The following ATP6V0D2 variants were observed in gnomAD, a reference collection of about 807,000 sequenced individuals.
ATP6V0D2 encodes the protein ATPase H+ transporting V0 subunit d2.
A neutral mutation model predicts 40.0 loss-of-function variants in ATP6V0D2; 40 were observed. The ratio of observed to expected loss-of-function variants is 1.00; its 90% CI spans 0.78 to 1.30. The LOEUF (loss-of-function observed/expected upper bound fraction) is 1.30. Ranked by LOEUF, ATP6V0D2 falls within the 50% of genes most tolerant of loss-of-function variation. The pLI is 0.00. For synonymous variants in ATP6V0D2, 179 were observed against 156.3 expected (o/e 1.15, Z -1.08); for missense variants, 470 against 423.1 (o/e 1.11, Z -0.97).
intron 2 of ATP6V0D2, among the ~76,000 whole-genome samples, chr8:86,131,928 A>G (rs1347696556): frequency 2.0e-5 from 3 of 152,212 alleles, no homozygotes. Context: ...ATGTCCCCCT[A>G]GGTCTACAGG....
intron 5 of ATP6V0D2, among the ~76,000 whole-genome samples, chr8:86,145,361 G>GAAAA (rs1819051579): frequency 1.0e-5 from 1 of 96,426 alleles, no homozygotes; most frequent in African/African-American, 4.7e-5. Context: ...AAGGAAGGAA[G>GAAAA]GAAGGAAGGA....
chr8:86,150,774 C>G (rs931363453), intron 6 of ATP6V0D2, among the ~76,000 whole-genome samples: 4 of 152,182 alleles, frequency 2.6e-5, no homozygotes, highest in Non-Finnish European at 4.4e-5. Context: ...GGAAACATAG[C>G]TGCTTGTGTC....
In ATP6V0D2 at chr8:86,142,839, A is replaced by G. The variant is rs200862129; in HGVS notation, c.562-38A>G. ...CTAGACATTTTCAAAAGGAATATAT[A>G]TTCATTATATCACTTTATGATCTTT... On this transcript the variant is annotated intron_variant, in intron 4 of 7. Coordinates refer to ENST00000285393, the MANE Select transcript of ATP6V0D2 (RefSeq NM_152565.1). The G allele has an allele frequency of 1.5e-5, 19 of 1,308,074 alleles. No homozygotes were observed. In the East Asian group the frequency reaches 4.2e-4, roughly 29 times the overall value. The allele number at this position is 1,308,074 out of a possible 1,614,324, so 81.0% of individuals were successfully genotyped here. A position where few individuals can be genotyped will look rare whatever the true frequency, so the allele number is the denominator to read the frequency against.
Position 86,113,743 on chromosome 8 carries a change from T to C in ATP6V0D2, c.165T>C (p.Gly55=), listed in dbSNP as rs766307719. The part of the protein sequence containing the change: ...LKIHLQTTDY[G]NFLANHTNPL... Reference sequence around the variant, plus strand: ...TTCATCTCCAGACTACTGATTATGGTAACTTTTTGGCTAATCACACAAATC... The same window carrying C: ...TTCATCTCCAGACTACTGATTATGGCAACTTTTTGGCTAATCACACAAATC... The change falls in exon 2 of 8, where the codon GGT becomes GGC. Residue 55 remains glycine, a synonymous_variant. Transcript: ENST00000285393. 1 of 1,612,804 alleles carries C rather than the reference T, an allele frequency of 6.2e-7. No homozygotes were observed. The highest frequency in any genetic ancestry group is 2.2e-5 in the East Asian group (1 of 44,824).
At position 86,152,937 on chromosome 8, in the gene ATP6V0D2, G is replaced by T. The variant is rs1173510167; in HGVS notation, c.1013G>T (p.Arg338Met). 1 of 1,608,024 alleles carries T rather than the reference G, an allele frequency of 6.2e-7. No homozygotes were observed. ...TGGATAGCAGAATGTATTTCACAGA[G>T]GCATCGAACTAAAATCAACAGTTAC... ...IVWIAECISQ[R>M]HRTKINSYIP... is the part of the protein sequence containing the mutation. The change falls in exon 8 of 8, where the codon AGG (arginine) becomes ATG (methionine). Residue 338 changes from arginine to methionine, a missense_variant. Coordinates refer to ENST00000285393, the MANE Select transcript of ATP6V0D2 (RefSeq NM_152565.1).
At chr8:86,117,243 T>C (rs1272369679) in intron 2 of ATP6V0D2, among the ~76,000 whole-genome samples, 5 of 152,244 alleles carry the variant, frequency 3.3e-5, no homozygotes, top group African/African-American at 1.2e-4. Flanking sequence ...GGGTATTTTA[T>C]TGTACCCTGT....
chr8:86,149,960 AGG>A, intron 5 of ATP6V0D2, 150 bp from the exon 6 acceptor site: 1 of 676,440 alleles, frequency 1.5e-6, no homozygotes, highest in Non-Finnish European at 2.4e-6. Context: ...GAAAAGACTA[AGG>A]GAACACTAAT....
Position 86,147,752 on chromosome 8 carries a change from A to T in ATP6V0D2, c.640-2360A>T, listed in dbSNP as rs74751229. On this transcript the variant is annotated intron_variant, in intron 5 of 7. Coordinates refer to ENST00000285393, the MANE Select transcript of ATP6V0D2 (RefSeq NM_152565.1). ...AGAAGAAATGGAAGGGCTTGTTATG[A>T]AAAAGATGACATTTGATGGGACAGG... Among the ~76,000 whole-genome samples, 1,309 of 152,260 alleles carry T rather than the reference A, an allele frequency of 8.6e-3. 17 individuals carry two copies. Among genetic ancestry groups the T allele is most frequent in the African/African-American group, 0.03 (1,251 of 41,522 alleles).
At chr8:86,103,244 A>G (rs1818427187) in intron 1 of ATP6V0D2, among the ~76,000 whole-genome samples, 1 of 151,262 alleles carries the variant, frequency 6.6e-6, no homozygotes, top group Non-Finnish European at 1.5e-5. Context: ...CAGCCTCTCA[A>G]GTGGCTAGAA....
intron 2 of ATP6V0D2, among the ~76,000 whole-genome samples, chr8:86,118,722 G>A (rs1396560470): frequency 6.6e-6 from 1 of 152,142 alleles, no homozygotes; most frequent in Non-Finnish European, 1.5e-5. Context: ...TAGTTGTGTG[G>A]AAGGAAAAAT....
chr8:86,137,643 C>T (rs1290128332), intron 2 of ATP6V0D2, among the ~76,000 whole-genome samples: 1 of 152,172 alleles, frequency 6.6e-6, no homozygotes, highest in Non-Finnish European at 1.5e-5. Context: ...CCATTGCAAC[C>T]TCCTCTTCCC....
At chr8:86,099,200 C>G in intron 1 of ATP6V0D2, 92 bp downstream of exon 1, 1 of 1,378,642 alleles carries the variant, frequency 7.3e-7, no homozygotes, top group Non-Finnish European at 9.6e-7. Flanking sequence ...AGCCCATAAT[C>G]ATATGGTTTG....
chr8:86,116,666 C>T (rs1161033383), intron 2 of ATP6V0D2, among the ~76,000 whole-genome samples: 3 of 152,084 alleles, frequency 2.0e-5, no homozygotes, highest in Non-Finnish European at 4.4e-5. Flanking sequence ...AGATCAGGCA[C>T]GTTCAGGGTG....
intron 6 of ATP6V0D2, 34 bp from the exon 7 acceptor site, chr8:86,151,432 A>G (rs1209972116): frequency 7.2e-7 from 1 of 1,395,656 alleles, no homozygotes; most frequent in South Asian, 1.3e-5. Context: ...TAAGAAATGA[A>G]AATGTCTTTA....
intron 5 of ATP6V0D2, among the ~76,000 whole-genome samples, chr8:86,145,594 A>G (rs921516939): frequency 1.3e-5 from 2 of 152,190 alleles, no homozygotes; most frequent in African/African-American, 4.8e-5. Flanking sequence ...AAATGACAGA[A>G]TGAAAAATAG....
intron 2 of ATP6V0D2, among the ~76,000 whole-genome samples, chr8:86,126,252 A>ATATATATATATATATG (rs1232910654): frequency 1.5e-4 from 21 of 135,830 alleles, no homozygotes; most frequent in Non-Finnish European, 3.2e-4. Flanking sequence ...ATATATATAT[A>ATATATATATATATATG]TATATATATA....
intron 2 of ATP6V0D2, among the ~76,000 whole-genome samples, chr8:86,130,328 C>A (rs1000460072): frequency 1.3e-5 from 2 of 151,930 alleles, no homozygotes; most frequent in African/African-American, 4.8e-5. Flanking sequence ...ATGTTAATAT[C>A]GATTCATTAA....
Position 86,139,483 on chromosome 8 carries a change from T to G in ATP6V0D2, c.329T>G (p.Ile110Ser), listed in dbSNP as rs191844145. The G allele has an allele frequency of 1.2e-6, 2 of 1,612,442 alleles. No homozygotes were observed. The highest frequency in any genetic ancestry group is 3.4e-5 in the Admixed American group (2 of 59,656). Residue 110 changes from isoleucine (I) to serine (S), a missense_variant, in exon 3 of 8, where the codon ATT (isoleucine) becomes AGT (serine). Coordinates refer to ENST00000285393, the MANE Select transcript of ATP6V0D2 (RefSeq NM_152565.1). ...MTCSYMIDNV[I>S]LLMNGALQKK... ...TGCAGTTATATGATAGACAATGTGA[T>G]TCTGCTGATGAATGGTGCATTGCAG...
chr8:86,103,895 G>T (rs1489200447), intron 1 of ATP6V0D2, among the ~76,000 whole-genome samples: 1 of 151,962 alleles, frequency 6.6e-6, no homozygotes, highest in East Asian at 1.9e-4. Flanking sequence ...GCACAATCTC[G>T]GCTCACTGCA....
Sources: gnomAD v4.1 joint callset for allele counts (sites outside exome capture counted in the v4.1 genomes callset) on GRCh38, gnomAD v4.1.1 for gene constraint, MANE v1.5 for transcripts, NCBI Gene and HGNC (gene_info 2026-07-23, HGNC 2026-07-21) for gene names.